ZC3HC1: variants seen among roughly 807,000 people sequenced by gnomAD.
The protein encoded by ZC3HC1 is zinc finger C3HC-type protein 1.
A neutral mutation model predicts 61.9 loss-of-function variants in ZC3HC1; 38 were observed. That is an observed-to-expected ratio of 0.61 (90% CI 0.47 to 0.81). The LOEUF (loss-of-function observed/expected upper bound fraction) is 0.81. Among genes scored for constraint, ZC3HC1 ranks in the 30% least tolerant of loss-of-function variants. ZC3HC1 has a pLI of 0.00. For missense variants in ZC3HC1, 554 were observed against 622.7 expected, an observed-to-expected ratio of 0.89 and a Z score of 1.17; for synonymous variants, 213 against 229.9, an observed-to-expected ratio of 0.93 and a Z score of 0.67.
At chr7:130,022,896 A>C (rs1024591109) in intron 8 of ZC3HC1, 1 of 298,840 alleles carries the variant, frequency 3.3e-6, no homozygotes, top group African/African-American at 2.3e-5. Context: ...CAGTGGCATT[A>C]GATTCTTATA....
chr7:130,026,164 G>T lies in ZC3HC1; in HGVS notation c.770C>A (p.Ala257Glu). The T allele has an allele frequency of 6.2e-7, 1 of 1,612,492 alleles. No homozygotes were observed. Among genetic ancestry groups the T allele is most frequent in the Non-Finnish European group, 8.5e-7 (1 of 1,178,886 alleles). The change falls in exon 6 of 10, where the codon GCG (alanine) becomes GAG (glutamate). Residue 257 changes from alanine to glutamate, a missense_variant. By Grantham distance (107) the Ala-to-Glu change is moderately radical (BLOSUM62 -1). Coordinates refer to ENST00000358303, the MANE Select transcript of ZC3HC1 (RefSeq NM_016478.5). ...GCAAAATCTGCTGACTCACCTACACGCCCAGCCACACACAGAGAGAATACA... is the reference window on the plus strand; with the variant it reads ...GCAAAATCTGCTGACTCACCTACACTCCCAGCCACACACAGAGAGAATACA... The part of the protein sequence containing the change: ...TACILSVCGW[A>E]CSSSLESMQL...
chr7:130,020,303 C>T (rs1290163432), intron 9 of ZC3HC1, among the ~76,000 whole-genome samples: 1 of 146,964 alleles, frequency 6.8e-6, no homozygotes, highest in Non-Finnish European at 1.5e-5. Flanking sequence ...AAGGGAGTCT[C>T]ACTCTGTTGC....
rs1449740607 is a variant in ZC3HC1, at chr7:130,025,735, C to T, written c.776+423G>A. ...TACAAAAAATTAGCTGGGCGTGTGG[C>T]AGGCACCTATAGTCCCAGCTACTCG... On this transcript the variant is annotated intron_variant, in intron 6 of 9. Transcript: ENST00000358303. 1.9e-3 allele frequency among the ~76,000 whole-genome samples: 294 copies of T among 151,862 alleles called. 2 individuals carry two copies. Among genetic ancestry groups the T allele is most frequent in the African/African-American group, 6.7e-3 (277 of 41,442 alleles).
intron 2 of ZC3HC1, among the ~76,000 whole-genome samples, chr7:130,046,747 T>G (rs904537862): frequency 1.3e-5 from 2 of 152,222 alleles, no homozygotes; most frequent in Non-Finnish European, 2.9e-5. Context: ...ACATGCAATG[T>G]GATAGCTGGT....
chr7:130,024,599 T>C, intron 6 of ZC3HC1, 93 bp from the exon 7 acceptor site: 1 of 1,397,516 alleles, frequency 7.2e-7, no homozygotes. Flanking sequence ...TCTCATCCAA[T>C]TTCTGGAACA....
rs1476981971 is a variant in ZC3HC1 at position 130,042,307 on chromosome 7, A to C, written c.259-1206T>G. Reference sequence around the variant, plus strand: ...AACAGAATGAGACCCTGTCTCAAAAAAAAAAAAAAAAAAAGTTTATTATTG... The same window carrying C: ...AACAGAATGAGACCCTGTCTCAAAACAAAAAAAAAAAAAAGTTTATTATTG... On this transcript the variant is annotated intron_variant, in intron 2 of 9. Transcript: ENST00000358303. 2.0e-5 allele frequency among the ~76,000 whole-genome samples: 3 copies of C among 151,812 alleles called. No homozygotes were observed. In the South Asian group the frequency reaches 6.2e-4, roughly 32 times the overall value.
In ZC3HC1 at chr7:130,023,539, C is replaced by T. The variant is rs879868826; in HGVS notation, c.1205G>A (p.Arg402Gln). 11 of 1,614,056 alleles carry T rather than the reference C, an allele frequency of 6.8e-6. No homozygotes were observed. The highest frequency in any genetic ancestry group is 5.9e-6 in the Non-Finnish European group (7 of 1,180,052). Residue 402 changes from arginine (R) to glutamine (Q), a missense_variant, in exon 8 of 10, where the codon CGA becomes CAA. Coordinates refer to ENST00000358303, the MANE Select transcript of ZC3HC1 (RefSeq NM_016478.5). The surrounding 1 kb of genome is among the most constrained non-coding windows in gnomAD (Gnocchi z 4.2). The stretch of plus-strand genomic sequence containing the variant: ...ACTGCTGGAGGAGCAGAGGCGAGCT[C>T]GCTTGGCTTTCCGCAGAGGGCTAGA... ...VPSSPLRKAK[R>Q]ARLCSSSSSD... is the part of the protein sequence containing the mutation.
intron 4 of ZC3HC1, among the ~76,000 whole-genome samples, chr7:130,030,073 A>G (rs774682764): frequency 2.0e-5 from 3 of 152,204 alleles, no homozygotes; most frequent in Non-Finnish European, 4.4e-5. Context: ...CAATTCATCT[A>G]CTGCATACTT....
In ZC3HC1 at chr7:130,020,914, A is replaced by T. The variant is rs540159586; in HGVS notation, c.1440+1405T>A. 1.2e-3 allele frequency among the ~76,000 whole-genome samples: 182 copies of T among 145,774 alleles called. 2 individuals are homozygous for T. The highest frequency in any genetic ancestry group is 7.1e-3 in the Middle Eastern group (2 of 282). ...ACTAATATACATTTATTTTTATTTT[A>T]TTTTTTTTTGAGACAGCGTCTCTCT... On this transcript the variant is annotated intron_variant, in intron 9 of 9. Transcript: ENST00000358303.
At chr7:130,026,014 C>A in intron 6 of ZC3HC1, 144 bp downstream of exon 6, 1 of 895,908 alleles carries the variant, frequency 1.1e-6, no homozygotes, top group Non-Finnish European at 1.6e-6. Context: ...CCATTCTCCT[C>A]GCACCATCCC....
At chr7:130,028,520 T>A (rs111648672) in intron 5 of ZC3HC1, among the ~76,000 whole-genome samples, 1 of 151,836 alleles carries the variant, frequency 6.6e-6, no homozygotes. Context: ...CCAGCCTGGG[T>A]GACAGAAAGA....
intron 4 of ZC3HC1, among the ~76,000 whole-genome samples, chr7:130,033,345 C>A (rs1221277348): frequency 6.6e-6 from 1 of 151,308 alleles, no homozygotes; most frequent in Non-Finnish European, 1.5e-5. Context: ...AATGATTATT[C>A]TCTTATTTGA....
intron 4 of ZC3HC1, 80 bp downstream of exon 4, chr7:130,039,384 C>A: frequency 1.8e-6 from 2 of 1,141,902 alleles, no homozygotes; most frequent in Non-Finnish European, 2.5e-6. Flanking sequence ...AGTTCAAAGA[C>A]TAGGTTTTCA....
Position 130,025,750 on chromosome 7 carries a change from C to T in ZC3HC1, c.776+408G>A, listed in dbSNP as rs184309348. 3.6e-3 allele frequency among the ~76,000 whole-genome samples: 543 copies of T among 151,506 alleles called. 5 individuals carry two copies. Among genetic ancestry groups the T allele is most frequent in the African/African-American group, 0.012 (507 of 41,292 alleles). On this transcript the variant is annotated intron_variant, in intron 6 of 9. Coordinates refer to ENST00000358303, the MANE Select transcript of ZC3HC1 (RefSeq NM_016478.5). ...GGGCGTGTGGCAGGCACCTATAGTC[C>T]CAGCTACTCGGGAGGCTGAGACAGG... is the stretch of plus-strand genomic sequence containing the variant.
In ZC3HC1 at chr7:130,048,143, GTTTTTTTTTTTTTT is replaced by G. The variant is rs11364921; in HGVS notation, c.258+876_258+889del. 5.4e-5 allele frequency among the ~76,000 whole-genome samples: 4 copies of G among 73,748 alleles called. No individual in the cohort carries two copies. The South Asian group carries it at 2.5e-3, about 45-fold the overall frequency. The allele number at this position is 73,748 out of a possible 152,430, so 48.4% of individuals were successfully genotyped here. A position where few individuals can be genotyped will look rare whatever the true frequency, so the allele number is the denominator to read the frequency against. On this transcript the variant is annotated intron_variant, in intron 2 of 9. Transcript: ENST00000358303. ...TTTGGAAGTGGACCCTTTCCTAGTT[GTTTTTTTTTTTTTT>G]TTTTTTTTTTGACACGGAGTCTTGC...
In ZC3HC1 at chr7:130,022,346, A is replaced by G; in HGVS notation, c.1413T>C (p.Ser471=). ...VLTILLAHKQ[S]SQPAETDSMS... is the part of the protein sequence containing the mutation. ...TGGAGTCCGTTTCAGCTGGCTGGCT[A>G]GACTGTTTGTGCGCCAAGAGGATGG... The change falls in exon 9 of 10, where the codon TCT becomes TCC. Residue 471 remains serine (S), a synonymous_variant. Coordinates refer to ENST00000358303, the MANE Select transcript of ZC3HC1 (RefSeq NM_016478.5). 1 of 1,614,142 alleles carries G rather than the reference A, an allele frequency of 6.2e-7. No individual in the cohort carries two copies. Among genetic ancestry groups the G allele is most frequent in the South Asian group, 1.1e-5 (1 of 91,082 alleles).
chr7:130,036,131 G>A (rs77226179), intron 4 of ZC3HC1, among the ~76,000 whole-genome samples: 6,152 of 143,220 alleles, frequency 0.043, 194 homozygotes, highest in African/African-American at 0.097. Flanking sequence ...TTTTTTTTCC[G>A]CAATTCAGGG....
At chr7:130,051,418 C>G, upstream of ZC3HC1, 1 of 1,609,156 alleles carries the variant, frequency 6.2e-7, no homozygotes, top group Non-Finnish European at 8.5e-7. Context: ...TCCGGAACTT[C>G]CGTCCTGGGA....
chr7:130,037,067 G>A (rs2116731412), intron 4 of ZC3HC1: 1 of 152,368 alleles, frequency 6.6e-6, no homozygotes, highest in East Asian at 1.9e-4. Flanking sequence ...GGTGGTAGCT[G>A]AAGTTATGAA....
Sources: allele counts gnomAD v4.1 joint callset (sites outside exome capture counted in the v4.1 genomes callset), GRCh38; gene constraint gnomAD v4.1.1; non-coding constraint Gnocchi (gnomAD v3.1); transcripts MANE v1.5; gene names NCBI Gene and HGNC (gene_info 2026-07-23, HGNC 2026-07-21).